Variants in GEMIN5 observed in about 807,000 individuals in gnomAD.
GEMIN5 encodes the protein gem nuclear organelle associated protein 5.
GEMIN5 carries 124 observed loss-of-function variants against 176.9 expected under a neutral mutation model. That is an observed-to-expected ratio of 0.70 (90% CI 0.61 to 0.81). The LOEUF (loss-of-function observed/expected upper bound fraction) is 0.81. Among genes scored for constraint, GEMIN5 ranks in the 40% least tolerant of loss-of-function variants. The probability of loss-of-function intolerance (pLI) is 0.00; values close to 1 mark genes in which losing one functional copy is unlikely to be tolerated. For synonymous variants in GEMIN5, 673 were observed against 665.2 expected, an observed-to-expected ratio of 1.01 and a Z score of -0.18; for missense variants, 1,843 against 1,814.6, an observed-to-expected ratio of 1.02 and a Z score of -0.28.
rs1561726458 is a variant in GEMIN5, at chr5:154,925,867, T to C, written c.1288A>G (p.Thr430Ala). 6.3e-7 allele frequency: 1 copy of C among 1,594,626 alleles called. No individual in the cohort carries two copies. The change falls in exon 8 of 28, where the codon ACA (threonine) becomes GCA (alanine). Residue 430 changes from threonine (T) to alanine (A), a missense_variant. By Grantham distance (58) the Thr-to-Ala change is moderately conservative (BLOSUM62 0). Transcript: ENST00000285873. ...NFWQGVKSKV[T>A]ALCWHPTKEG... The stretch of plus-strand genomic sequence containing the variant: ...CTCAAAAAAAGAATCCTTACCGCTG[T>C]AACCTTGGACTTCACGCCTTGCCAA...
At chr5:154,927,596 A>C (rs1426518824) in intron 6 of GEMIN5, 46 bp from the exon 7 acceptor site, 1 of 1,414,554 alleles carries the variant, frequency 7.1e-7, no homozygotes, top group Non-Finnish European at 9.8e-7. Context: ...AAACGATCTG[A>C]AAACAAGTGA....
intron 15 of GEMIN5, among the ~76,000 whole-genome samples, chr5:154,909,849 C>G (rs116096944): frequency 1.3e-5 from 2 of 151,962 alleles, no homozygotes; most frequent in East Asian, 3.9e-4. Flanking sequence ...GTGTGAGGCA[C>G]GCACCTATAG....
intron 9 of GEMIN5, among the ~76,000 whole-genome samples, chr5:154,922,621 C>T (rs956257449): frequency 2.6e-5 from 4 of 151,464 alleles, no homozygotes; most frequent in African/African-American, 9.7e-5. Context: ...ATAGAATTAG[C>T]AATTTCATGG....
rs367826335 is a variant in GEMIN5, at chr5:154,900,899, T to C, written c.3014+440A>G. Reference sequence around the variant, plus strand: ...AAATGTAGGAGGTAATTCTAGAATATGATAAACTTGCCCTAACGAAGTTTA... The same window carrying C: ...AAATGTAGGAGGTAATTCTAGAATACGATAAACTTGCCCTAACGAAGTTTA... On this transcript the variant is annotated intron_variant, in intron 21 of 27. Transcript: ENST00000285873. 8.6e-4 allele frequency among the ~76,000 whole-genome samples: 131 copies of C among 152,306 alleles called. 1 individual carries two copies. Among genetic ancestry groups the C allele is most frequent in the African/African-American group, 3.0e-3 (126 of 41,554 alleles).
chr5:154,888,038 A>AC lies in GEMIN5; in HGVS notation c.*171dup. On this transcript the variant is annotated 3_prime_UTR_variant, in exon 28 of 28. Coordinates refer to ENST00000285873, the MANE Select transcript of GEMIN5 (RefSeq NM_015465.5). The stretch of plus-strand genomic sequence containing the variant: ...CACAATTGAGTCTAAAGTCAGATCC[A>AC]CCGTTGTCTATGGGTAGGCAGGGTT... 1.6e-6 allele frequency: 1 copy of AC among 617,446 alleles called. No individual in the cohort carries two copies. The highest frequency in any genetic ancestry group is 2.8e-6 in the Non-Finnish European group (1 of 354,612). 38.2% of individuals were successfully genotyped at this position (617,446 alleles called of 1,614,324 possible).
chr5:154,894,800 G>C (rs964395784), intron 24 of GEMIN5, among the ~76,000 whole-genome samples: 1 of 152,124 alleles, frequency 6.6e-6, no homozygotes, highest in Non-Finnish European at 1.5e-5. Flanking sequence ...CCAGCTACCC[G>C]GGAGGCTGAG....
intron 23 of GEMIN5, among the ~76,000 whole-genome samples, chr5:154,896,657 G>A (rs1763358423): frequency 6.6e-6 from 1 of 152,192 alleles, no homozygotes; most frequent in Non-Finnish European, 1.5e-5. Flanking sequence ...AAGCCTTGTA[G>A]CCTAGTTTGA....
rs141832132 is a variant in GEMIN5, at chr5:154,938,032, G to A, written c.102C>T (p.Thr34=). The stretch of plus-strand genomic sequence containing the variant: ...GGCCCACGCGGACAAGGAAGACGGA[G>A]GTCCGCGCGGCGAAGCCAAAGAGGC... ...PGGLFGFAAR[T]SVFLVRVGPG... The change falls in exon 1 of 28, where the codon ACC becomes ACT. Residue 34 remains threonine (T), a synonymous_variant. Transcript: ENST00000285873. 253 of 1,554,056 alleles carry A rather than the reference G, an allele frequency of 1.6e-4. No homozygotes were observed. Among genetic ancestry groups the A allele is most frequent in the Non-Finnish European group, 2.0e-4 (228 of 1,154,064 alleles).
intron 9 of GEMIN5, among the ~76,000 whole-genome samples, chr5:154,923,748 A>G (rs1763973161): frequency 1.3e-5 from 2 of 152,338 alleles, no homozygotes; most frequent in Admixed American, 1.3e-4. Context: ...TCAATAAGGT[A>G]GCCATTAGTC....
Position 154,889,316 on chromosome 5 carries a change from C to T in GEMIN5, c.4359+5G>A. On this transcript the variant is annotated splice_donor_5th_base_variant and intron_variant, in intron 27 of 27. Transcript: ENST00000285873. ...CTTTACCAAATGAACTGCTTTAACTCTTACCTTAATGCTCTCAGGAAATTT... is the reference window on the plus strand; with the variant it reads ...CTTTACCAAATGAACTGCTTTAACTTTTACCTTAATGCTCTCAGGAAATTT... 1 of 1,472,008 alleles carries T rather than the reference C, an allele frequency of 6.8e-7. No homozygotes were observed. The highest frequency in any genetic ancestry group is 2.3e-5 in the East Asian group (1 of 44,072). 91.2% of individuals were successfully genotyped at this position (1,472,008 alleles called of 1,614,324 possible).
At position 154,898,422 on chromosome 5, in the gene GEMIN5, A is replaced by T; in HGVS notation, c.3345+18T>A. ...ACACTTCCCTCTTGTATACTAGGAG[A>T]TGAAATAACAGACTGACCTGTAGAC... On this transcript the variant is annotated intron_variant, in intron 23 of 27. Coordinates refer to ENST00000285873, the MANE Select transcript of GEMIN5 (RefSeq NM_015465.5). The T allele has an allele frequency of 6.3e-7, 1 of 1,594,240 alleles. No individual in the cohort carries two copies. The highest frequency in any genetic ancestry group is 1.1e-5 in the South Asian group (1 of 90,696).
At chr5:154,920,653 C>G (rs1303601847) in intron 10 of GEMIN5, among the ~76,000 whole-genome samples, 4 of 152,154 alleles carry the variant, frequency 2.6e-5, no homozygotes, top group African/African-American at 9.7e-5. Context: ...ACCCAGTAAA[C>G]ATTTGTTGCA....
At position 154,898,513 on chromosome 5, in the gene GEMIN5, C is replaced by T. The variant is rs149615722; in HGVS notation, c.3272G>A (p.Cys1091Tyr). The change falls in exon 23 of 28, where the codon TGT (cysteine) becomes TAT (tyrosine). Residue 1091 changes from cysteine (C) to tyrosine (Y), a missense_variant. By Grantham distance (194) the Cys-to-Tyr change is radical. Coordinates refer to ENST00000285873, the MANE Select transcript of GEMIN5 (RefSeq NM_015465.5). ...GTTGGCCAGAAGCAGCTCTTGGGCA[C>T]ATCTGAGAGCCAGGGAAGCAGACAA... is the stretch of plus-strand genomic sequence containing the variant. Reference protein sequence around the residue: ...DELSASLALRCAQELLLANNW... With the variant: ...DELSASLALRYAQELLLANNW... The T allele has an allele frequency of 6.2e-7, 1 of 1,614,192 alleles. No homozygotes were observed. The highest frequency in any genetic ancestry group is 8.5e-7 in the Non-Finnish European group (1 of 1,180,018).
intron 10 of GEMIN5, 56 bp downstream of exon 10, chr5:154,921,287 A>T (rs1763915085): frequency 1.2e-6 from 1 of 840,734 alleles, no homozygotes; most frequent in African/African-American, 1.7e-5. Flanking sequence ...ATATTTTAGG[A>T]TTAAACTGAA....
chr5:154,896,867 G>T (rs1763362767), intron 23 of GEMIN5, among the ~76,000 whole-genome samples: 1 of 152,150 alleles, frequency 6.6e-6, no homozygotes, highest in Non-Finnish European at 1.5e-5. Flanking sequence ...CACAGAGAAG[G>T]CCTAGAAAAT....
At chr5:154,903,009 CA>C in intron 19 of GEMIN5, 70 bp downstream of exon 19, 1 of 1,003,048 alleles carries the variant, frequency 1.0e-6, no homozygotes. Flanking sequence ...TGACAGCCAT[CA>C]AAGAGGTGCA....
At position 154,898,621 on chromosome 5, in the gene GEMIN5, GCAT is replaced by G; in HGVS notation, c.3161_3163del (p.Asp1054del). 3.7e-6 allele frequency: 6 copies of G among 1,613,754 alleles called. No homozygotes were observed. In the South Asian group the frequency reaches 6.6e-5, roughly 18 times the overall value. On this transcript the variant is annotated inframe_deletion, in exon 23 of 28. Transcript: ENST00000285873. ...CCCCTTTTTGGCCAAAACTTTGGCT[GCAT>G]CATAAGCACAAGTGGCCCCTAAATA...
Position 154,917,232 on chromosome 5 carries a change from T to C in GEMIN5, c.1674-53A>G, listed in dbSNP as rs568444627. On this transcript the variant is annotated intron_variant, in intron 12 of 27. Coordinates refer to ENST00000285873, the MANE Select transcript of GEMIN5 (RefSeq NM_015465.5). ...AAAGATGGATGATCAAATTACAAGT[T>C]ACAATGCAAATAGTAGCTCCCTCAT... 4.5e-6 allele frequency: 5 copies of C among 1,100,482 alleles called. No individual in the cohort carries two copies. In the East Asian group the frequency reaches 1.4e-4, roughly 30 times the overall value. The allele number at this position is 1,100,482 out of a possible 1,614,324, so 68.2% of individuals were successfully genotyped here. A position where few individuals can be genotyped will look rare whatever the true frequency, so the allele number is the denominator to read the frequency against.
intron 20 of GEMIN5, among the ~76,000 whole-genome samples, chr5:154,902,108 CT>C (rs946131345): frequency 1.3e-3 from 184 of 145,302 alleles, no homozygotes; most frequent in Non-Finnish European, 1.4e-3. Flanking sequence ...CACACCCAGC[CT>C]TTTTTTTTTT....
Sources: gnomAD v4.1 joint callset for allele counts (sites outside exome capture counted in the v4.1 genomes callset) on GRCh38, gnomAD v4.1.1 for gene constraint, MANE v1.5 for transcripts, NCBI Gene and HGNC (gene_info 2026-07-23, HGNC 2026-07-21) for gene names.